MAP1LC3A: variants seen among roughly 807,000 people sequenced by gnomAD.
The protein encoded by MAP1LC3A is microtubule associated protein 1 light chain 3 alpha.
In MAP1LC3A, 10 loss-of-function variants were observed where a neutral mutation model predicts 15.2. The observed-to-expected ratio is 0.66, with a 90% CI of 0.41 to 1.12. The LOEUF is 1.12. Ranked by LOEUF, MAP1LC3A falls within the 50% of genes most tolerant of loss-of-function variation. The pLI, the probability that MAP1LC3A is intolerant of heterozygous loss-of-function variation, is 0.00. For missense variants in MAP1LC3A, 138 were observed against 167.3 expected, an observed-to-expected ratio of 0.82 and a Z score of 0.97; for synonymous variants, 63 against 64.3, an observed-to-expected ratio of 0.98 and a Z score of 0.10.
At chr20:34,556,484 CTA>C (rs1982162795), upstream of MAP1LC3A, among the ~76,000 whole-genome samples, 2 of 151,236 alleles carry the variant, frequency 1.3e-5, no homozygotes, top group Admixed American at 6.6e-5. Context: ...TTAACATCCT[CTA>C]TGTCCTTTTT....
At chr20:34,559,052 G>A (rs1982294780) in intron 1 of MAP1LC3A, 144 bp downstream of exon 1, 4 of 1,325,236 alleles carry the variant, frequency 3.0e-6, no homozygotes, top group East Asian at 3.1e-5. Context: ...GGGGCTGCCC[G>A]CTTCCCCACC....
At chr20:34,555,754 C>A (rs1468962527), upstream of MAP1LC3A, among the ~76,000 whole-genome samples, 1 of 151,436 alleles carries the variant, frequency 6.6e-6, no homozygotes, top group Non-Finnish European at 1.5e-5. Flanking sequence ...TGGGCTCAAG[C>A]AATTCTCCAG....
upstream of MAP1LC3A, chr20:34,558,068 CGCGAGTTCTCCTG>C (rs1982226857): frequency 1.0e-6 from 1 of 985,324 alleles, no homozygotes; most frequent in Admixed American, 6.1e-5. The surrounding 1 kb of genome is among the most constrained non-coding windows in gnomAD (Gnocchi z 4.3). Flanking sequence ...TGCTCGGGCC[CGCGAGTTCTCCTG>C]GCGTTGCCAT....
At chr20:34,548,289 A>G (rs919539346) in intron 1 of MAP1LC3A, among the ~76,000 whole-genome samples, 2 of 152,190 alleles carry the variant, frequency 1.3e-5, no homozygotes, top group Admixed American at 1.3e-4. Flanking sequence ...CGTCACTCAT[A>G]GTGGAGGCAC....
upstream of MAP1LC3A, among the ~76,000 whole-genome samples, chr20:34,557,481 T>C (rs1487943569): frequency 6.6e-6 from 1 of 152,218 alleles, no homozygotes; most frequent in East Asian, 1.9e-4. Context: ...TCATGCATCT[T>C]GTTTCTGTGG....
chr20:34,552,640 C>T (rs1198414488), intron 2 of MAP1LC3A, among the ~76,000 whole-genome samples: 1 of 152,246 alleles, frequency 6.6e-6, no homozygotes, highest in Admixed American at 6.5e-5. Context: ...TATGTGGGGA[C>T]AGGACAGCTG....
upstream of MAP1LC3A, among the ~76,000 whole-genome samples, chr20:34,557,294 A>C (rs138614400): frequency 2.0e-5 from 3 of 152,160 alleles, no homozygotes; most frequent in African/African-American, 7.2e-5. Context: ...CTTCCATTAT[A>C]GTTTTAATAC....
upstream of MAP1LC3A, among the ~76,000 whole-genome samples, chr20:34,556,769 CT>C (rs1407695674): frequency 6.6e-6 from 1 of 152,052 alleles, no homozygotes; most frequent in African/African-American, 2.4e-5. Flanking sequence ...GCTAGCTAAT[CT>C]TTGTATTTTT....
At chr20:34,549,208 T>G (rs1365187583) in intron 1 of MAP1LC3A, among the ~76,000 whole-genome samples, 1 of 151,846 alleles carries the variant, frequency 6.6e-6, no homozygotes, top group Non-Finnish European at 1.5e-5. Context: ...GTATTTTTAG[T>G]AGAGAAGGGG....
chr20:34,553,484 G>A (rs1240581972), intron 2 of MAP1LC3A, among the ~76,000 whole-genome samples: 1 of 152,134 alleles, frequency 6.6e-6, no homozygotes, highest in Admixed American at 6.5e-5. Flanking sequence ...TCAGTTCAGG[G>A]CTGAGTCTGA....
rs1431902019 is a variant in MAP1LC3A at position 34,558,898 on chromosome 20, G to T, written c.30G>T (p.Arg10=). 8.5e-6 allele frequency: 12 copies of T among 1,418,776 alleles called. No homozygotes were observed. Among genetic ancestry groups the T allele is most frequent in the Non-Finnish European group, 1.1e-5 (12 of 1,091,250 alleles). 87.9% of individuals were successfully genotyped at this position (1,418,776 alleles called of 1,614,324 possible). ...CCTCAGACCGGCCTTTCAAGCAGCG[G>T]CGGAGCTTCGGTGAGGCCCGGCAGG... MPSDRPFKQ[R]RSFADRCKEV... is the part of the protein sequence containing the mutation. Residue 10 remains arginine (R), a synonymous_variant, in exon 1 of 4, where the codon CGG becomes CGT. Coordinates refer to ENST00000360668, the MANE Select transcript of MAP1LC3A (RefSeq NM_032514.4). This position sits in a 1 kb window ranked among gnomAD's most constrained non-coding sequence, Gnocchi z 4.3.
upstream of MAP1LC3A, among the ~76,000 whole-genome samples, chr20:34,556,093 T>C (rs1232554409): frequency 6.7e-6 from 1 of 149,992 alleles, no homozygotes; most frequent in Non-Finnish European, 1.5e-5. Context: ...CCGCCTGCCT[T>C]GGCCTCCCAA....
chr20:34,548,705 CT>C (rs112988331), intron 1 of MAP1LC3A, among the ~76,000 whole-genome samples: 52,248 of 142,194 alleles, frequency 0.37, 9,585 homozygotes, highest in Admixed American at 0.53. Flanking sequence ...CCTTCGCTGC[CT>C]TTTTTTTTTT....
At chr20:34,549,270 A>T (rs929329120) in intron 1 of MAP1LC3A, among the ~76,000 whole-genome samples, 1 of 148,644 alleles carries the variant, frequency 6.7e-6, no homozygotes, top group Non-Finnish European at 1.5e-5. Context: ...AGGTGATCAG[A>T]CCACCTTGGC....
intron 2 of MAP1LC3A, among the ~76,000 whole-genome samples, chr20:34,550,346 C>T (rs1457196611): frequency 6.6e-6 from 1 of 152,156 alleles, no homozygotes; most frequent in Non-Finnish European, 1.5e-5. Flanking sequence ...TGTCCCTGCG[C>T]ATGGTCTAGA....
At chr20:34,547,807 G>A (rs977376217) in intron 1 of MAP1LC3A, among the ~76,000 whole-genome samples, 3 of 152,188 alleles carry the variant, frequency 2.0e-5, no homozygotes, top group Non-Finnish European at 2.9e-5. Flanking sequence ...ACAGCAGTGT[G>A]AGAATGGACA....
chr20:34,554,436 C>G (rs1231753195), upstream of MAP1LC3A, among the ~76,000 whole-genome samples: 1 of 139,654 alleles, frequency 7.2e-6, no homozygotes, highest in Non-Finnish European at 1.5e-5. Flanking sequence ...TGCGGTGGCG[C>G]GATCTCGGTT....
intron 3 of MAP1LC3A, 109 bp from the exon 4 acceptor site, chr20:34,559,627 A>C: frequency 7.5e-7 from 1 of 1,328,292 alleles, no homozygotes; most frequent in Non-Finnish European, 1.1e-6. Flanking sequence ...CAGAGGTGAC[A>C]GCTGGGGTGA....
At chr20:34,559,097 C>T (rs1016931665) in intron 1 of MAP1LC3A, 111 bp from the exon 2 acceptor site, 4 of 1,352,378 alleles carry the variant, frequency 3.0e-6, no homozygotes, top group African/African-American at 1.6e-5. Flanking sequence ...GCCTGATGGC[C>T]CCGGGGGTGG....
Sources: gnomAD v4.1 joint callset for allele counts (sites outside exome capture counted in the v4.1 genomes callset) on GRCh38, gnomAD v4.1.1 for gene constraint, Gnocchi (gnomAD v3.1) non-coding constraint, MANE v1.5 for transcripts, NCBI Gene and HGNC (gene_info 2026-07-23, HGNC 2026-07-21) for gene names.